NCAM1: variants seen among roughly 807,000 people sequenced by gnomAD.
The protein encoded by NCAM1 is neural cell adhesion molecule 1.
A neutral mutation model predicts 109.8 loss-of-function variants in NCAM1; 14 were observed. That is an observed-to-expected ratio of 0.13 (90% confidence interval 0.08 to 0.20). The LOEUF is 0.20. Among genes scored for constraint, NCAM1 ranks in the 10% least tolerant of loss-of-function variants. NCAM1 has a pLI of 1.00. For synonymous variants in NCAM1, 418 were observed against 442.9 expected (o/e 0.94, Z 0.70); for missense variants, 774 against 1,109.9 (o/e 0.70, Z 4.30).
chr11:113,211,878 G>A (rs1311436434), intron 7 of NCAM1, among the ~76,000 whole-genome samples: 2 of 152,214 alleles, frequency 1.3e-5, no homozygotes, highest in African/African-American at 2.4e-5. Flanking sequence ...AAACTCACAG[G>A]AGGAAATATG....
At chr11:113,237,969 GAT>G (rs1945224953) in intron 14 of NCAM1, among the ~76,000 whole-genome samples, 3 of 142,584 alleles carry the variant, frequency 2.1e-5, no homozygotes, top group Admixed American at 6.9e-5. Flanking sequence ...TAGATAGATA[GAT>G]ATAGATATAT....
chr11:113,241,316 A>G (rs1275145354), intron 14 of NCAM1, among the ~76,000 whole-genome samples: 9 of 152,364 alleles, frequency 5.9e-5, no homozygotes, highest in African/African-American at 1.4e-4. Context: ...CCATAAATGC[A>G]TACTTTTCTT....
At chr11:113,253,420 G>A (rs567928760) in intron 15 of NCAM1, among the ~76,000 whole-genome samples, 2 of 152,094 alleles carry the variant, frequency 1.3e-5, no homozygotes, top group African/African-American at 4.8e-5. Context: ...GGTGTAGTTG[G>A]TAGTCCGTGC....
chr11:113,157,914 G>A (rs1368115474), intron 1 of NCAM1, among the ~76,000 whole-genome samples: 3 of 152,026 alleles, frequency 2.0e-5, no homozygotes, highest in African/African-American at 7.2e-5. Flanking sequence ...ACACAGATAT[G>A]TAGGGAGGAA....
At chr11:112,995,960 C>T (rs782344170) in intron 1 of NCAM1, among the ~76,000 whole-genome samples, 24 of 152,270 alleles carry the variant, frequency 1.6e-4, no homozygotes, top group Non-Finnish European at 3.1e-4. Flanking sequence ...TATCATTGAA[C>T]ATAAGAATCA....
chr11:113,231,708 A>G lies in NCAM1; in HGVS notation c.1153A>G (p.Ile385Val). The G allele has an allele frequency of 6.2e-7, 1 of 1,613,816 alleles. No homozygotes were observed. Among genetic ancestry groups the G allele is most frequent in the Non-Finnish European group, 8.5e-7 (1 of 1,179,838 alleles). ...ARVSSLTLKS[I>V]QYTDAGEYIC... ...TGTGTCGTCGCTGACCCTGAAGAGC[A>G]TCCAGTACACTGATGCCGGAGAGTA... The change falls in exon 10 of 20, where the codon ATC (isoleucine) becomes GTC (valine). Residue 385 changes from isoleucine (I) to valine (V), a missense_variant. Around this residue, in one of 4 missense-constraint regions of NCAM1, gnomAD observed 523 missense variants for 784.2 expected, o/e 0.67. Coordinates refer to ENST00000316851, the MANE Select transcript of NCAM1 (RefSeq NM_181351.5).
intron 1 of NCAM1, among the ~76,000 whole-genome samples, chr11:113,179,680 G>C (rs1943271049): frequency 6.6e-6 from 1 of 152,176 alleles, no homozygotes; most frequent in South Asian, 2.1e-4. Flanking sequence ...ATCCCCCGAA[G>C]GCAGGATAAA....
intron 15 of NCAM1, among the ~76,000 whole-genome samples, chr11:113,253,833 T>C (rs560539908): frequency 6.6e-6 from 1 of 152,302 alleles, no homozygotes; most frequent in Admixed American, 6.5e-5. Context: ...GTTAAAATAA[T>C]TTGTTCATTT....
chr11:112,973,598 A>G lies in NCAM1; in HGVS notation c.52+11934A>G, dbSNP rs143549828. ...ACCTTGAGCCAGTTATTTAATCTCC[A>G]ACGGTCAGTTTATTTATCTGTGAAT... On this transcript the variant is annotated intron_variant, in intron 1 of 19. Transcript: ENST00000316851. 1.4e-3 allele frequency among the ~76,000 whole-genome samples: 206 copies of G among 152,194 alleles called. 2 individuals carry two copies. The highest frequency in any genetic ancestry group is 4.8e-3 in the African/African-American group (201 of 41,548).
At chr11:113,087,092 T>A (rs1372866014) in intron 1 of NCAM1, among the ~76,000 whole-genome samples, 1 of 152,238 alleles carries the variant, frequency 6.6e-6, no homozygotes, top group Non-Finnish European at 1.5e-5. Context: ...AAATGCAAAT[T>A]TTAACCAGAG....
chr11:113,132,935 G>A (rs1267849333), intron 1 of NCAM1: 1 of 152,208 alleles, frequency 6.6e-6, no homozygotes. Flanking sequence ...AAATGTTAGG[G>A]AGTATGGAAA....
At chr11:113,078,860 A>ATGATCC (rs1428243422) in intron 1 of NCAM1, among the ~76,000 whole-genome samples, 3 of 152,128 alleles carry the variant, frequency 2.0e-5, no homozygotes, top group African/African-American at 7.2e-5. Context: ...GGAAATTGAG[A>ATGATCC]TGATCCACTT....
At chr11:113,156,948 T>C (rs973344814) in intron 1 of NCAM1, among the ~76,000 whole-genome samples, 8 of 152,156 alleles carry the variant, frequency 5.3e-5, no homozygotes, top group African/African-American at 1.7e-4. Flanking sequence ...GTTAGACCTG[T>C]AGGTGATGGC....
intron 14 of NCAM1, among the ~76,000 whole-genome samples, chr11:113,244,196 G>T (rs1426404385): frequency 1.3e-5 from 2 of 152,126 alleles, no homozygotes; most frequent in Admixed American, 1.3e-4. Context: ...TAATGTATTT[G>T]TACAACTGTG....
intron 2 of NCAM1, 116 bp from the exon 3 acceptor site, chr11:113,204,170 C>CA: frequency 1.2e-6 from 1 of 835,988 alleles, no homozygotes; most frequent in Non-Finnish European, 1.8e-6. Context: ...CCCTGATGTT[C>CA]AAGCCTTGAC....
chr11:113,129,763 G>A (rs966544714), intron 1 of NCAM1, among the ~76,000 whole-genome samples: 2 of 152,162 alleles, frequency 1.3e-5, no homozygotes, highest in African/African-American at 4.8e-5. Flanking sequence ...GCAGCATTGT[G>A]AACATCCTGA....
At chr11:113,262,800 TA>T (rs782575081) in intron 17 of NCAM1, 75 of 1,604,554 alleles carry the variant, frequency 4.7e-5, no homozygotes, top group Middle Eastern at 1.6e-4. Flanking sequence ...CATTTGTTTT[TA>T]AACAACCACA....
intron 1 of NCAM1, among the ~76,000 whole-genome samples, chr11:113,184,533 C>T (rs914952274): frequency 6.6e-6 from 1 of 152,078 alleles, no homozygotes; most frequent in East Asian, 1.9e-4. Flanking sequence ...ATTTCAGAAC[C>T]CCAAAGTCTC....
At chr11:112,976,364 C>G (rs1342026742) in intron 1 of NCAM1, among the ~76,000 whole-genome samples, 1 of 151,646 alleles carries the variant, frequency 6.6e-6, no homozygotes, top group Non-Finnish European at 1.5e-5. Context: ...TAGACTGGAA[C>G]AAATAAATCA....
Sources: gnomAD v4.1 joint callset for allele counts (sites outside exome capture counted in the v4.1 genomes callset) on GRCh38, gnomAD v4.1.1 for gene constraint, gnomAD v4.1.1 regional missense constraint, MANE v1.5 for transcripts, NCBI Gene and HGNC (gene_info 2026-07-23, HGNC 2026-07-21) for gene names.